ZNF624: variants seen among roughly 807,000 people sequenced by gnomAD.
The protein encoded by ZNF624 is zinc finger protein 624.
In ZNF624, 43 loss-of-function variants were observed where a neutral mutation model predicts 74.7. The ratio of observed to expected loss-of-function variants is 0.58; its 90% CI spans 0.45 to 0.74. ZNF624 has a LOEUF of 0.74. Among genes scored for constraint, ZNF624 ranks in the 30% least tolerant of loss-of-function variants. ZNF624 has a pLI of 0.00. For synonymous variants in ZNF624, 331 were observed against 341.3 expected, an observed-to-expected ratio of 0.97 and a Z score of 0.33; for missense variants, 820 against 1,030.0, an observed-to-expected ratio of 0.80 and a Z score of 2.79.
At chr17:16,625,369 A>T (rs9909044) in intron 5 of ZNF624, among the ~76,000 whole-genome samples, 35,180 of 151,874 alleles carry the variant, frequency 0.23, 4,539 homozygotes, top group East Asian at 0.35. Context: ...TTTAGTAGAG[A>T]CGGGGTTTCG....
intron 2 of ZNF624, among the ~76,000 whole-genome samples, chr17:16,648,038 T>C (rs1198721651): frequency 6.6e-6 from 1 of 151,950 alleles, no homozygotes; most frequent in Non-Finnish European, 1.5e-5. Context: ...CAGGTTCAAG[T>C]GATTCTCCTG....
Position 16,632,809 on chromosome 17 carries a change from G to A in ZNF624, c.376+1053C>T, listed in dbSNP as rs1405003345. On this transcript the variant is annotated intron_variant, in intron 5 of 5. Transcript: ENST00000311331. ...CTGCAGTAGAATCTCTCCATGCTTT[G>A]GAACTCACTTAGATCATCTACAAAG... 2.6e-5 allele frequency among the ~76,000 whole-genome samples: 4 copies of A among 152,164 alleles called. No homozygotes were observed. The East Asian group carries it at 7.7e-4, about 29-fold the overall frequency.
At position 16,652,263 on chromosome 17, in the gene ZNF624, A is replaced by G. The variant is rs546696235; in HGVS notation, c.-3+1501T>C. Among the ~76,000 whole-genome samples the G allele has an allele frequency of 1.4e-3, 211 of 152,278 alleles. 1 individual carries two copies. Among genetic ancestry groups the G allele is most frequent in the African/African-American group, 5.0e-3 (207 of 41,556 alleles). ...GCTTGAAAACTGACTCTCCCTCCCAAGCCCATACACTGACCCCCAAGTTTT... is the reference window on the plus strand; with the variant it reads ...GCTTGAAAACTGACTCTCCCTCCCAGGCCCATACACTGACCCCCAAGTTTT... On this transcript the variant is annotated intron_variant, in intron 1 of 5. Coordinates refer to ENST00000311331, the MANE Select transcript of ZNF624 (RefSeq NM_020787.4).
chr17:16,634,038 T>C (rs1909268520), intron 4 of ZNF624, 81 bp from the exon 5 acceptor site: 2 of 1,141,890 alleles, frequency 1.8e-6, no homozygotes, highest in Admixed American at 3.9e-5. Flanking sequence ...TTCTTAATCT[T>C]CTGGGCAGAA....
At chr17:16,646,377 G>A (rs551443943) in intron 3 of ZNF624, among the ~76,000 whole-genome samples, 38 of 152,204 alleles carry the variant, frequency 2.5e-4, no homozygotes, top group African/African-American at 8.2e-4. Flanking sequence ...TCTCATAGAA[G>A]CAAAAGTAAA....
intron 5 of ZNF624, among the ~76,000 whole-genome samples, chr17:16,628,815 G>C (rs1909135136): frequency 6.6e-6 from 1 of 151,362 alleles, no homozygotes; most frequent in Non-Finnish European, 1.5e-5. Flanking sequence ...GAAGCCAAAT[G>C]AATCTTCAGC....
At chr17:16,642,213 A>G (rs570091346) in intron 3 of ZNF624, among the ~76,000 whole-genome samples, 1 of 152,294 alleles carries the variant, frequency 6.6e-6, no homozygotes, top group East Asian at 1.9e-4. Context: ...GAAAAAGAAG[A>G]AAGGTGAGGC....
At position 16,627,266 on chromosome 17, in the gene ZNF624, AATTT is replaced by A. The variant is rs530310592; in HGVS notation, c.377-2761_377-2758del. On this transcript the variant is annotated intron_variant, in intron 5 of 5. Transcript: ENST00000311331. ...TAGTAATTAGAAATTTTCTTCAATA[AATTT>A]ATTTGTAGAAACTTAATTTATATGC... Among the ~76,000 whole-genome samples the A allele has an allele frequency of 1.3e-3, 202 of 152,234 alleles. 1 individual carries two copies. The highest frequency in any genetic ancestry group is 4.7e-3 in the African/African-American group (197 of 41,564).
Position 16,623,680 on chromosome 17 carries a change from TTTTGA to T in ZNF624, c.1201_1205del (p.Ser401ThrfsTer11). The T allele has an allele frequency of 1.2e-6, 2 of 1,609,156 alleles. No individual in the cohort carries two copies. Among genetic ancestry groups the T allele is most frequent in the Non-Finnish European group, 1.7e-6 (2 of 1,178,572 alleles). On this transcript the variant is annotated frameshift_variant, in exon 6 of 6. Transcript: ENST00000311331. LOFTEE classifies it high-confidence loss of function. This position sits in a 1 kb window ranked among gnomAD's most constrained non-coding sequence, Gnocchi z 5.3. ...TGTGAGTTTCCTGATGTCTTGCAAG[TTTTGA>T]TTTATCACTAAAAGCTTTCCCGCAT...
chr17:16,628,834 T>C (rs1909135648), intron 5 of ZNF624, among the ~76,000 whole-genome samples: 1 of 149,614 alleles, frequency 6.7e-6, no homozygotes, highest in Non-Finnish European at 1.5e-5. Flanking sequence ...GCATGAGAAA[T>C]ATGAAGAAAA....
rs146890073 is a variant in ZNF624 at position 16,620,857 on chromosome 17, C to A, written c.*1431G>T. On this transcript the variant is annotated 3_prime_UTR_variant, in exon 6 of 6. Transcript: ENST00000311331. ...GAACCACTAAAACAGAAATAACCAT[C>A]ATTAATTTTTTGGAGACCATCCTTT... 3.5e-4 allele frequency: 53 copies of A among 152,258 alleles called. No individual in the cohort carries two copies. The highest frequency in any genetic ancestry group is 1.2e-3 in the African/African-American group (50 of 41,552). The allele number at this position is 152,258 out of a possible 1,614,324, so 9.4% of individuals were successfully genotyped here. A position where few individuals can be genotyped will look rare whatever the true frequency, so the allele number is the denominator to read the frequency against.
intron 3 of ZNF624, among the ~76,000 whole-genome samples, chr17:16,645,882 G>T (rs555343920): frequency 6.9e-6 from 1 of 145,008 alleles, no homozygotes; most frequent in East Asian, 2.0e-4. Flanking sequence ...TACCCGGGAG[G>T]CAGAGGTTGC....
rs929576193 is a variant in ZNF624 at position 16,622,205 on chromosome 17, T to C, written c.*83A>G. The C allele has an allele frequency of 2.8e-6, 3 of 1,082,228 alleles. No individual in the cohort carries two copies. Among genetic ancestry groups the C allele is most frequent in the Admixed American group, 5.5e-5 (2 of 36,364 alleles). 67.0% of individuals were successfully genotyped at this position (1,082,228 alleles called of 1,614,324 possible). ...TGTATACTTTCTGATAAATTCCTAA[T>C]GAAGATTTTCCTATATTCATAAAAT... On this transcript the variant is annotated 3_prime_UTR_variant, in exon 6 of 6. Transcript: ENST00000311331.
chr17:16,623,410 T>A lies in ZNF624; in HGVS notation c.1476A>T (p.Arg492Ser). The A allele has an allele frequency of 6.2e-7, 1 of 1,614,102 alleles. No homozygotes were observed. Among genetic ancestry groups the A allele is most frequent in the Non-Finnish European group, 8.5e-7 (1 of 1,179,978 alleles). ...RSNSSLIVHIRTHTGEKPYEC... is the reference protein window; with the variant it reads ...RSNSSLIVHISTHTGEKPYEC... ...CATAGGGTTTTTCCCCAGTGTGAGT[T>A]CTTATATGTACGATAAGGCTTGAAT... Residue 492 changes from arginine (R) to serine (S), a missense_variant, in exon 6 of 6, where the codon AGA becomes AGT. Coordinates refer to ENST00000311331, the MANE Select transcript of ZNF624 (RefSeq NM_020787.4). The surrounding 1 kb of genome is among the most constrained non-coding windows in gnomAD (Gnocchi z 5.3).
At chr17:16,642,377 T>C (rs9905710) in intron 3 of ZNF624, among the ~76,000 whole-genome samples, 19,169 of 152,108 alleles carry the variant, frequency 0.13, 1,383 homozygotes, top group East Asian at 0.35. Flanking sequence ...CCTACATTAA[T>C]GGTCAGTTGA....
At position 16,646,027 on chromosome 17, in the gene ZNF624, A is replaced by G. The variant is rs185248589; in HGVS notation, c.153+1302T>C. On this transcript the variant is annotated intron_variant, in intron 3 of 5. Coordinates refer to ENST00000311331, the MANE Select transcript of ZNF624 (RefSeq NM_020787.4). ...ATACAAAACCAATTAAATTAAATTAATAACTTATTGATAGTTATTATCAAA... is the reference window on the plus strand; with the variant it reads ...ATACAAAACCAATTAAATTAAATTAGTAACTTATTGATAGTTATTATCAAA... Among the ~76,000 whole-genome samples the G allele has an allele frequency of 2.6e-5, 4 of 152,122 alleles. No homozygotes were observed. The East Asian group carries it at 7.7e-4, about 29-fold the overall frequency.
chr17:16,629,723 T>G (rs1379607608), intron 5 of ZNF624, among the ~76,000 whole-genome samples: 1 of 152,034 alleles, frequency 6.6e-6, no homozygotes, highest in Non-Finnish European at 1.5e-5. Flanking sequence ...AGTGCCACCA[T>G]GCCTAGCTAA....
intron 3 of ZNF624, among the ~76,000 whole-genome samples, 163 bp downstream of exon 3, chr17:16,647,166 C>A (rs1316731726): frequency 6.6e-6 from 1 of 152,172 alleles, no homozygotes; most frequent in East Asian, 1.9e-4. Context: ...GCTGCCACCT[C>A]TGAGAGAAAT....
Position 16,649,312 on chromosome 17 carries a change from C to G in ZNF624, c.87+346G>C, listed in dbSNP as rs78763419. Among the ~76,000 whole-genome samples, 437 of 152,262 alleles carry G rather than the reference C, an allele frequency of 2.9e-3. 4 individuals carry two copies. The East Asian group carries it at 0.029, about 10-fold the overall frequency. ...GTACATATATTTTCCCCATAATTTC[C>G]TATATAAAATTTTCCAATTGAAAAA... On this transcript the variant is annotated intron_variant, in intron 2 of 5. Coordinates refer to ENST00000311331, the MANE Select transcript of ZNF624 (RefSeq NM_020787.4).
Sources: gnomAD v4.1 joint callset for allele counts (sites outside exome capture counted in the v4.1 genomes callset) on GRCh38, gnomAD v4.1.1 for gene constraint, Gnocchi (gnomAD v3.1) non-coding constraint, MANE v1.5 for transcripts, NCBI Gene and HGNC (gene_info 2026-07-23, HGNC 2026-07-21) for gene names.